Variants in LRRC4C observed in about 807,000 individuals in gnomAD.
LRRC4C encodes the protein leucine-rich repeat-containing protein 4C.
LRRC4C carries 5 observed loss-of-function variants against 33.6 expected under a neutral mutation model. The observed-to-expected ratio is 0.15, with a 90% CI of 0.08 to 0.31. The LOEUF is 0.31. Ranked by LOEUF, LRRC4C falls within the 10% of genes least tolerant of loss-of-function variation. The probability of loss-of-function intolerance (pLI) is 1.00; values close to 1 mark genes in which losing one functional copy is unlikely to be tolerated. For synonymous variants in LRRC4C, 329 were observed against 302.0 expected, an observed-to-expected ratio of 1.09 and a Z score of -0.93; for missense variants, 560 against 796.7, an observed-to-expected ratio of 0.70 and a Z score of 3.58.
intron 3 of LRRC4C, among the ~76,000 whole-genome samples, chr11:40,633,371 T>TTCCTTCTTTCTTTCTCTC (rs1963659047): frequency 1.0e-5 from 1 of 96,308 alleles, no homozygotes; most frequent in Admixed American, 1.3e-4. Context: ...CTTTCTTTCT[T>TTCCTTCTTTCTTTCTCTC]TCTCTCTCTT....
chr11:40,202,176 T>C (rs189394110), intron 5 of LRRC4C, among the ~76,000 whole-genome samples: 4 of 108,960 alleles, frequency 3.7e-5, no homozygotes, highest in East Asian at 5.3e-4. Context: ...CAGTAAAGCA[T>C]AGGGACAGGC....
chr11:41,138,774 T>C (rs2035626), intron 1 of LRRC4C, among the ~76,000 whole-genome samples: 110,017 of 152,068 alleles, frequency 0.72, 40,543 homozygotes, highest in Middle Eastern at 0.81. Context: ...CACTGGGCTC[T>C]AAACACCAGC....
chr11:40,365,049 A>G (rs1948146009), intron 3 of LRRC4C, among the ~76,000 whole-genome samples: 1 of 151,760 alleles, frequency 6.6e-6, no homozygotes. Context: ...TCACCACAAG[A>G]AAAAGGAAAC....
In LRRC4C at chr11:41,382,676, C is replaced by T. The variant is rs180708370; in HGVS notation, c.-496+76755G>A. ...AGACATGTAAATAAAACTAACAAAT[C>T]CTGACTATATAAAACTAAAATGTTA... On this transcript the variant is annotated intron_variant, in intron 1 of 6. Coordinates refer to ENST00000528697, the MANE Select transcript of LRRC4C (RefSeq NM_001258419.2). Among the ~76,000 whole-genome samples the T allele has an allele frequency of 2.6e-4, 39 of 152,058 alleles. 1 individual carries two copies. The East Asian group carries it at 7.6e-3, about 30-fold the overall frequency.
intron 1 of LRRC4C, among the ~76,000 whole-genome samples, chr11:41,245,498 C>T (rs77705149): frequency 0.045 from 6,875 of 152,234 alleles, 201 homozygotes; most frequent in South Asian, 0.069. Flanking sequence ...CCAGGCATAC[C>T]ACAAGCAGCT....
At chr11:40,971,252 G>A (rs1186480860) in intron 1 of LRRC4C, among the ~76,000 whole-genome samples, 1 of 152,208 alleles carries the variant, frequency 6.6e-6, no homozygotes, top group East Asian at 1.9e-4. Context: ...TAGAAGGGAA[G>A]AATGTTATGG....
intron 1 of LRRC4C, among the ~76,000 whole-genome samples, chr11:41,024,218 C>A (rs1161354627): frequency 6.6e-6 from 1 of 151,392 alleles, no homozygotes; most frequent in Non-Finnish European, 1.5e-5. Context: ...AGCCAGTGGG[C>A]AAGAACAGGT....
At chr11:40,216,272 A>T (rs1301766659) in intron 5 of LRRC4C, among the ~76,000 whole-genome samples, 1 of 152,124 alleles carries the variant, frequency 6.6e-6, no homozygotes, top group East Asian at 1.9e-4. Flanking sequence ...TTCCATTTTT[A>T]AATTTTAATA....
chr11:40,393,814 C>A (rs1949431721), intron 3 of LRRC4C, among the ~76,000 whole-genome samples: 1 of 152,046 alleles, frequency 6.6e-6, no homozygotes, highest in Admixed American at 6.6e-5. Flanking sequence ...AACAAAGTTT[C>A]CAGAACAAGA....
rs72896585 is a variant in LRRC4C at position 41,410,769 on chromosome 11, G to A, written c.-496+48662C>T. On this transcript the variant is annotated intron_variant, in intron 1 of 6. Transcript: ENST00000528697. ...AAGTTATTTTTATGGAACAACACCC[G>A]TTAATCAATGCTAAATGATTAATAG... is the stretch of plus-strand genomic sequence containing the variant. Among the ~76,000 whole-genome samples the A allele has an allele frequency of 6.9e-3, 1,045 of 152,030 alleles. 3 individuals carry two copies. The highest frequency in any genetic ancestry group is 9.8e-3 in the Non-Finnish European group (665 of 67,990).
intron 1 of LRRC4C, among the ~76,000 whole-genome samples, chr11:41,182,409 A>T (rs534303018): frequency 1.3e-5 from 2 of 152,288 alleles, no homozygotes; most frequent in South Asian, 4.1e-4. Context: ...TCTCTACTGT[A>T]TACTATGGAT....
intron 5 of LRRC4C, among the ~76,000 whole-genome samples, chr11:40,216,582 A>G (rs1364044098): frequency 6.6e-6 from 1 of 152,182 alleles, no homozygotes; most frequent in African/African-American, 2.4e-5. Flanking sequence ...TAAGAAGCGG[A>G]AAATGGGAGA....
intron 3 of LRRC4C, among the ~76,000 whole-genome samples, chr11:40,610,535 A>T (rs1961106173): frequency 6.6e-6 from 1 of 150,660 alleles, no homozygotes; most frequent in African/African-American, 2.4e-5. Flanking sequence ...AGTAATTAGG[A>T]AAGAAAAAGT....
At chr11:41,420,482 C>T (rs1954838287) in intron 1 of LRRC4C, among the ~76,000 whole-genome samples, 1 of 151,996 alleles carries the variant, frequency 6.6e-6, no homozygotes, top group Non-Finnish European at 1.5e-5. Context: ...TTTAAAATGG[C>T]TTTTAATGAA....
chr11:41,085,452 C>T (rs1469020222), intron 1 of LRRC4C, among the ~76,000 whole-genome samples: 1 of 152,152 alleles, frequency 6.6e-6, no homozygotes, highest in Non-Finnish European at 1.5e-5. Flanking sequence ...CTGGCTCTCT[C>T]ACTAGCTGTG....
intron 2 of LRRC4C, among the ~76,000 whole-genome samples, chr11:40,877,247 G>T (rs963481701): frequency 6.6e-6 from 1 of 152,080 alleles, no homozygotes; most frequent in African/African-American, 2.4e-5. Context: ...TAGGGTAGTT[G>T]TTCTGTCCGT....
intron 4 of LRRC4C, among the ~76,000 whole-genome samples, chr11:40,250,438 T>A (rs1413555920): frequency 6.6e-6 from 1 of 151,926 alleles, no homozygotes; most frequent in African/African-American, 2.4e-5. Flanking sequence ...TTGAATAAAC[T>A]CTCTTTAAAT....
At chr11:41,167,788 C>A (rs1017925422) in intron 1 of LRRC4C, among the ~76,000 whole-genome samples, 1 of 152,132 alleles carries the variant, frequency 6.6e-6, no homozygotes, top group Non-Finnish European at 1.5e-5. Flanking sequence ...AGTCATGATG[C>A]TCTCCTGCAA....
chr11:40,511,787 C>T (rs977796555), intron 3 of LRRC4C, among the ~76,000 whole-genome samples: 9 of 151,984 alleles, frequency 5.9e-5, no homozygotes, highest in Middle Eastern at 3.2e-3. Context: ...TCTGGAGACC[C>T]TAGAAATATT....
Sources: gnomAD v4.1 joint callset for allele counts (sites outside exome capture counted in the v4.1 genomes callset) on GRCh38, gnomAD v4.1.1 for gene constraint, MANE v1.5 for transcripts, NCBI Gene and HGNC (gene_info 2026-07-23, HGNC 2026-07-21) for gene names.